KMT2A: variants seen among roughly 807,000 people sequenced by gnomAD.
KMT2A encodes the protein lysine methyltransferase 2A, also known as histone-lysine N-methyltransferase 2A.
KMT2A carries 16 observed loss-of-function variants against 345.3 expected under a neutral mutation model. That is an observed-to-expected ratio of 0.05 (90% CI 0.03 to 0.07). The LOEUF (loss-of-function observed/expected upper bound fraction) is 0.07, where lower values mean the gene tolerates loss of function less well. KMT2A is among the 10% of genes least tolerant of loss of function. The pLI, the probability that KMT2A is intolerant of heterozygous loss-of-function variation, is 1.00. For synonymous variants in KMT2A, 1,599 were observed against 1,778.6 expected (o/e 0.90, Z 2.54); for missense variants, 3,272 against 4,841.6 (o/e 0.68, Z 9.62).
Position 118,503,502 on chromosome 11 carries a change from A to G in KMT2A, c.7610A>G (p.Gln2537Arg). The G allele has an allele frequency of 6.2e-7, 1 of 1,614,196 alleles. No individual in the cohort carries two copies. Among genetic ancestry groups the G allele is most frequent in the South Asian group, 1.1e-5 (1 of 91,082 alleles). Residue 2537 changes from glutamine (Q) to arginine (R), a missense_variant, in exon 27 of 36, where the codon CAA becomes CGA. Transcript: ENST00000534358. The surrounding 1 kb of genome is among the most constrained non-coding windows in gnomAD (Gnocchi z 5.3). ...LTPLKMENES[Q>R]SKNALKESSP... ...CCTCTAAAAATGGAAAATGAGAGTC[A>G]ATCCAAAAATGCCCTGAAAGAAAGT...
Position 118,505,752 on chromosome 11 carries a change from A to G in KMT2A, c.9860A>G (p.Asn3287Ser). The G allele has an allele frequency of 6.2e-7, 1 of 1,614,184 alleles. No individual in the cohort carries two copies. The highest frequency in any genetic ancestry group is 8.5e-7 in the Non-Finnish European group (1 of 1,180,024). ...LNTSSHRTVP[N>S]IIKRSKSSIM... ...ACTTCATCTCACCGAACTGTCCCCA[A>G]CATCATAAAAAGATCTAAATCTAGC... The change falls in exon 27 of 36, where the codon AAC (asparagine) becomes AGC (serine). Residue 3287 changes from asparagine to serine, a missense_variant. Physicochemically the swap from Asn to Ser is conservative, Grantham distance 46. Transcript: ENST00000534358. The surrounding 1 kb of genome is among the most constrained non-coding windows in gnomAD (Gnocchi z 4.6).
At chr11:118,471,466 G>A (rs782247800) in intron 2 of KMT2A, among the ~76,000 whole-genome samples, 196 bp from the exon 3 acceptor site, 1 of 152,084 alleles carries the variant, frequency 6.6e-6, no homozygotes, top group East Asian at 1.9e-4. Context: ...TCTTTCAGGT[G>A]GAATGTTATT....
rs1555055491 is a variant in KMT2A at position 118,526,096 on chromosome 11, A to G, written c.*3924A>G. 1 of 218,536 alleles carries G rather than the reference A, an allele frequency of 4.6e-6. No homozygotes were observed. 13.5% of individuals were successfully genotyped at this position (218,536 alleles called of 1,614,324 possible). A position where few individuals can be genotyped will look rare whatever the true frequency, so the allele number is the denominator to read the frequency against. On this transcript the variant is annotated 3_prime_UTR_variant, in exon 36 of 36. Transcript: ENST00000534358. ...TAAGGATTGTGTTACAGTTGCTAGT[A>G]GCGGCAGGAAGATGTCAGGCTCACT...
intron 1 of KMT2A, among the ~76,000 whole-genome samples, chr11:118,463,015 G>T (rs1322247309): frequency 1.3e-5 from 2 of 152,126 alleles, no homozygotes; most frequent in African/African-American, 4.8e-5. Flanking sequence ...GGAATACATT[G>T]CAGTTAGGAT....
Position 118,526,505 on chromosome 11 carries a change from CA to C in KMT2A, c.*4334del, listed in dbSNP as rs1951084830. On this transcript the variant is annotated 3_prime_UTR_variant, in exon 36 of 36. Coordinates refer to ENST00000534358, the MANE Select transcript of KMT2A (RefSeq NM_001197104.2). ...ACAAGCTTCTTTTCTAGAAATAAGA[CA>C]TTTTTTGACAACTTTATCATGTATA... 4.4e-6 allele frequency: 1 copy of C among 227,740 alleles called. No individual in the cohort carries two copies. Among genetic ancestry groups the C allele is most frequent in the South Asian group, 1.8e-4 (1 of 5,466 alleles). The allele number at this position is 227,740 out of a possible 1,614,324, so 14.1% of individuals were successfully genotyped here. A position where few individuals can be genotyped will look rare whatever the true frequency, so the allele number is the denominator to read the frequency against.
chr11:118,452,236 G>A (rs138702558), intron 1 of KMT2A, among the ~76,000 whole-genome samples: 2 of 152,284 alleles, frequency 1.3e-5, no homozygotes, highest in East Asian at 3.9e-4. Context: ...TGTTCTCAAA[G>A]TATGTAATAG....
Position 118,497,299 on chromosome 11 carries a change from G to A in KMT2A, c.5665-637G>A, listed in dbSNP as rs573832938. On this transcript the variant is annotated intron_variant, in intron 20 of 35. Transcript: ENST00000534358. This position sits in a 1 kb window ranked among gnomAD's most constrained non-coding sequence, Gnocchi z 4.8. ...ATTACAGGCGTGAGCCACCGTGCCCGGCCAAAAGCTTTTAAATACCATCTG... is the reference window on the plus strand; with the variant it reads ...ATTACAGGCGTGAGCCACCGTGCCCAGCCAAAAGCTTTTAAATACCATCTG... Among the ~76,000 whole-genome samples the A allele has an allele frequency of 3.9e-5, 6 of 152,128 alleles. No homozygotes were observed. The highest frequency in any genetic ancestry group is 2.1e-4 in the South Asian group (1 of 4,822).
Position 118,482,488 on chromosome 11 carries a change from A to C in KMT2A, c.4079A>C (p.Lys1360Thr). Residue 1360 changes from lysine (K) to threonine (T), a missense_variant, in exon 8 of 36, where the codon AAA becomes ACA. Physicochemically the swap from Lys to Thr is moderately conservative, Grantham distance 78 (BLOSUM62 -1). This residue lies in a region of KMT2A where 168 missense variants were observed against 216.0 expected (regional missense o/e 0.78). Coordinates refer to ENST00000534358, the MANE Select transcript of KMT2A (RefSeq NM_001197104.2). ...RPSIPVKQKPKEKEKPPPVNK... is the reference protein window; with the variant it reads ...RPSIPVKQKPTEKEKPPPVNK... ...AGTATCCCTGTAAAACAAAAACCAA[A>C]AGAAAAGGTGAGGAGAGATTTGTTT... 2 of 1,609,116 alleles carry C rather than the reference A, an allele frequency of 1.2e-6. No individual in the cohort carries two copies. The highest frequency in any genetic ancestry group is 1.7e-6 in the Non-Finnish European group (2 of 1,175,710).
chr11:118,512,803 GT>G (rs782638304), intron 31 of KMT2A, among the ~76,000 whole-genome samples: 187 of 130,288 alleles, frequency 1.4e-3, no homozygotes, highest in Middle Eastern at 4.1e-3. Flanking sequence ...CCTGTTTTTT[GT>G]TTTTTTTTTT....
At chr11:118,467,822 G>A (rs1057223237) in intron 1 of KMT2A, among the ~76,000 whole-genome samples, 3 of 152,162 alleles carry the variant, frequency 2.0e-5, no homozygotes, top group African/African-American at 4.8e-5. Flanking sequence ...GTTCCAGAAT[G>A]TCTGTTCTTC....
In KMT2A at chr11:118,493,088, C is replaced by T. The variant is rs1565295085; in HGVS notation, c.5036C>T (p.Thr1679Ile). 1.2e-6 allele frequency: 2 copies of T among 1,613,886 alleles called. No individual in the cohort carries two copies. ...AAGCCTCCAGACTTAAATCCCGAGA[C>T]AGAGGAGAGTATACCTTCCCGCAGC... Reference protein sequence around the residue: ...AAKPPDLNPETEESIPSRSSP... With the variant: ...AAKPPDLNPEIEESIPSRSSP... The change falls in exon 16 of 36, where the codon ACA becomes ATA. Residue 1679 changes from threonine (T) to isoleucine (I), a missense_variant. Thr to Ile is a moderately conservative substitution (Grantham distance 89). This residue lies in a region of KMT2A where 66 missense variants were observed against 80.1 expected (regional missense o/e 0.82). Coordinates refer to ENST00000534358, the MANE Select transcript of KMT2A (RefSeq NM_001197104.2). The surrounding 1 kb of genome is among the most constrained non-coding windows in gnomAD (Gnocchi z 5.8).
chr11:118,494,893 C>T lies in KMT2A; in HGVS notation c.5363+126C>T, dbSNP rs1461551103. ...AAATGAATTGGTTGAAATGCCTTTT[C>T]GGTGTGGTTTTGAGGACTACATTTA... On this transcript the variant is annotated intron_variant, in intron 18 of 35. Coordinates refer to ENST00000534358, the MANE Select transcript of KMT2A (RefSeq NM_001197104.2). The surrounding 1 kb of genome is among the most constrained non-coding windows in gnomAD (Gnocchi z 5.8). 30 of 728,124 alleles carry T rather than the reference C, an allele frequency of 4.1e-5. No individual in the cohort carries two copies. The highest frequency in any genetic ancestry group is 5.4e-5 in the East Asian group (2 of 37,220). The allele number at this position is 728,124 out of a possible 1,614,324, so 45.1% of individuals were successfully genotyped here.
At position 118,522,386 on chromosome 11, in the gene KMT2A, C is replaced by T. The variant is rs751137667; in HGVS notation, c.*214C>T. On this transcript the variant is annotated 3_prime_UTR_variant, in exon 36 of 36. Coordinates refer to ENST00000534358, the MANE Select transcript of KMT2A (RefSeq NM_001197104.2). This position sits in a 1 kb window ranked among gnomAD's most constrained non-coding sequence, Gnocchi z 5.4. ...AGGTCTCGAAGAAAAGATCCATGAT[C>T]GGCTTTCTCCTGGGGCCCCTCCAAT... The T allele has an allele frequency of 5.3e-5, 29 of 548,068 alleles. No individual in the cohort carries two copies. The highest frequency in any genetic ancestry group is 1.5e-4 in the African/African-American group (8 of 53,314). 34.0% of individuals were successfully genotyped at this position (548,068 alleles called of 1,614,324 possible). A position where few individuals can be genotyped will look rare whatever the true frequency, so the allele number is the denominator to read the frequency against.
At chr11:118,485,006 A>G in intron 10 of KMT2A, 31 bp downstream of exon 10, 1 of 1,278,400 alleles carries the variant, frequency 7.8e-7, no homozygotes, top group Non-Finnish European at 1.1e-6. Context: ...GTACCCCAGG[A>G]AGTACATAAA....
Position 118,488,591 on chromosome 11 carries a change from A to G in KMT2A, c.4333-23A>G, listed in dbSNP as rs377531018. On this transcript the variant is annotated intron_variant, in intron 10 of 35. Coordinates refer to ENST00000534358, the MANE Select transcript of KMT2A (RefSeq NM_001197104.2). ...TCTACATATTATTTGACATACTTCTATCTTCCCATGTTCTTACTATAGTTT... is the reference window on the plus strand; with the variant it reads ...TCTACATATTATTTGACATACTTCTGTCTTCCCATGTTCTTACTATAGTTT... The G allele has an allele frequency of 1.8e-4, 296 of 1,612,344 alleles. 1 individual carries two copies. Among genetic ancestry groups the G allele is most frequent in the Middle Eastern group, 1.3e-3 (8 of 6,056 alleles).
intron 2 of KMT2A, 28 bp from the exon 3 acceptor site, chr11:118,471,634 C>G: frequency 6.9e-7 from 1 of 1,452,322 alleles, no homozygotes. Context: ...TAAATATATG[C>G]TCTTCATTGT....
At chr11:118,512,255 C>A in intron 31 of KMT2A, 1 of 552,740 alleles carries the variant, frequency 1.8e-6, no homozygotes, top group South Asian at 2.5e-5. Context: ...CTAGAACATT[C>A]TCATCATCCC....
intron 10 of KMT2A, 58 bp from the exon 11 acceptor site, chr11:118,488,552 GTTGA>G: frequency 6.4e-7 from 1 of 1,566,958 alleles, no homozygotes; most frequent in Middle Eastern, 1.7e-4. Context: ...GAAGGGTATG[GTTGA>G]TTATGTTTTT....
At chr11:118,457,874 C>T (rs1161301049) in intron 1 of KMT2A, among the ~76,000 whole-genome samples, 4 of 152,024 alleles carry the variant, frequency 2.6e-5, no homozygotes, top group Admixed American at 1.3e-4. Context: ...AGGCAACATA[C>T]GATACTTCAT....
Sources: allele counts gnomAD v4.1 joint callset (sites outside exome capture counted in the v4.1 genomes callset), GRCh38; gene constraint gnomAD v4.1.1; regional missense constraint gnomAD v4.1.1; non-coding constraint Gnocchi (gnomAD v3.1); transcripts MANE v1.5; gene names NCBI Gene and HGNC (gene_info 2026-07-23, HGNC 2026-07-21).